The following GALNT18 variants were observed in gnomAD, a reference collection of about 807,000 sequenced individuals.
The protein encoded by GALNT18 is polypeptide N-acetylgalactosaminyltransferase 18, also known as GalNAc-transferase 18.
A neutral mutation model predicts 69.5 loss-of-function variants in GALNT18; 44 were observed. The ratio of observed to expected loss-of-function variants is 0.63; its 90% CI spans 0.50 to 0.81. GALNT18 has a LOEUF of 0.81. Among genes scored for constraint, GALNT18 ranks in the 40% least tolerant of loss-of-function variants. GALNT18 has a pLI of 0.00. For missense variants in GALNT18, 715 were observed against 810.0 expected (o/e 0.88, Z 1.42); for synonymous variants, 364 against 318.2 (o/e 1.14, Z -1.53).
intron 1 of GALNT18, among the ~76,000 whole-genome samples, chr11:11,518,268 G>A (rs1483843344): frequency 1.3e-5 from 2 of 152,242 alleles, no homozygotes; most frequent in South Asian, 2.1e-4. Context: ...GGCTGAAAAA[G>A]CCAGTGATGG....
At chr11:11,512,531 A>G (rs1345416676) in intron 1 of GALNT18, among the ~76,000 whole-genome samples, 1 of 152,226 alleles carries the variant, frequency 6.6e-6, no homozygotes, top group African/African-American at 2.4e-5. Context: ...ATTCTCACAT[A>G]TATGGGGACA....
At position 11,562,860 on chromosome 11, in the gene GALNT18, T is replaced by C. The variant is rs1250474238; in HGVS notation, c.235+58499A>G. Among the ~76,000 whole-genome samples the C allele has an allele frequency of 6.6e-6, 1 of 151,984 alleles. No individual in the cohort carries two copies. Among genetic ancestry groups the C allele is most frequent in the Non-Finnish European group, 1.5e-5 (1 of 68,004 alleles). On this transcript the variant is annotated intron_variant, in intron 1 of 10. Coordinates refer to ENST00000227756, the MANE Select transcript of GALNT18 (RefSeq NM_198516.3). This position sits in a 1 kb window ranked among gnomAD's most constrained non-coding sequence, Gnocchi z 4.1. ...GTGGCAAAAAAGACTTGAACTGGGG[T>C]CTGCCTAGCTCGAGGCCTGGGCTTT...
In GALNT18 at chr11:11,356,030, A is replaced by G. The variant is rs571274376; in HGVS notation, c.1093-15026T>C. ...ATTTCTGGATACCAAACTTTATAGA[A>G]AAACTTGTGTGTAAGGGTAATTTCT... On this transcript the variant is annotated intron_variant, in intron 6 of 10. Transcript: ENST00000227756. This position sits in a 1 kb window ranked among gnomAD's most constrained non-coding sequence, Gnocchi z 4.4. Among the ~76,000 whole-genome samples, 4 of 152,322 alleles carry G rather than the reference A, an allele frequency of 2.6e-5. No homozygotes were observed. Among genetic ancestry groups the G allele is most frequent in the East Asian group, 3.9e-4 (2 of 5,190 alleles).
intron 1 of GALNT18, among the ~76,000 whole-genome samples, chr11:11,518,122 G>A (rs1857321395): frequency 6.6e-6 from 1 of 152,172 alleles, no homozygotes; most frequent in South Asian, 2.1e-4. Flanking sequence ...CCAGGCTGCA[G>A]AGAACTTCAC....
At chr11:11,352,536 C>G in intron 6 of GALNT18, 1 of 1,614,068 alleles carries the variant, frequency 6.2e-7, no homozygotes, top group Non-Finnish European at 8.5e-7. Context: ...TTTGAAGTAT[C>G]GGGAAGCAAC....
Position 11,469,649 on chromosome 11 carries a change from G to T in GALNT18, c.236-20713C>A, listed in dbSNP as rs1222802422. ...GAAAGCAAGGATCATCCATGCCCTT[G>T]TCAGCTGAGGGTCTCAGGGCTGGCT... On this transcript the variant is annotated intron_variant, in intron 1 of 10. Transcript: ENST00000227756. This position sits in a 1 kb window ranked among gnomAD's most constrained non-coding sequence, Gnocchi z 4.2. 6.6e-6 allele frequency among the ~76,000 whole-genome samples: 1 copy of T among 152,198 alleles called. No individual in the cohort carries two copies. The highest frequency in any genetic ancestry group is 2.4e-5 in the African/African-American group (1 of 41,444).
rs78128628 is a variant in GALNT18, at chr11:11,616,986, G to A, written c.235+4373C>T. ...CATTGCAAAAGATCAGACAAAAATCGTAACAATTTAGGCTACTACACTGAG... is the reference window on the plus strand; with the variant it reads ...CATTGCAAAAGATCAGACAAAAATCATAACAATTTAGGCTACTACACTGAG... On this transcript the variant is annotated intron_variant, in intron 1 of 10. Coordinates refer to ENST00000227756, the MANE Select transcript of GALNT18 (RefSeq NM_198516.3). The surrounding 1 kb of genome is among the most constrained non-coding windows in gnomAD (Gnocchi z 4.4). Among the ~76,000 whole-genome samples the A allele has an allele frequency of 0.016, 2,487 of 152,272 alleles. 70 individuals are homozygous for A. The highest frequency in any genetic ancestry group is 0.057 in the African/African-American group (2,380 of 41,544).
rs1345369885 is a variant in GALNT18, at chr11:11,540,159, G to C, written c.235+81200C>G. On this transcript the variant is annotated intron_variant, in intron 1 of 10. Coordinates refer to ENST00000227756, the MANE Select transcript of GALNT18 (RefSeq NM_198516.3). The surrounding 1 kb of genome is among the most constrained non-coding windows in gnomAD (Gnocchi z 4.6). The stretch of plus-strand genomic sequence containing the variant: ...CTGGATTATTCTAAACATATTTTGT[G>C]GTTCTAAAACCTCTTCTCACCTCCA... 6.6e-6 allele frequency among the ~76,000 whole-genome samples: 1 copy of C among 152,134 alleles called. No individual in the cohort carries two copies. The highest frequency in any genetic ancestry group is 1.5e-5 in the Non-Finnish European group (1 of 68,036).
At position 11,395,992 on chromosome 11, in the gene GALNT18, G is replaced by T. The variant is rs372386318; in HGVS notation, c.596-16728C>A. On this transcript the variant is annotated intron_variant, in intron 3 of 10. Transcript: ENST00000227756. ...CTAAGTGGTGGAGATGGGGAGGGGA[G>T]AGGGAGGGGGGACACAGCCAGGTGG... is the stretch of plus-strand genomic sequence containing the variant. 2.6e-5 allele frequency among the ~76,000 whole-genome samples: 4 copies of T among 152,178 alleles called. No individual in the cohort carries two copies. The East Asian group carries it at 7.7e-4, about 29-fold the overall frequency.
At chr11:11,477,230 G>A (rs951229680) in intron 1 of GALNT18, among the ~76,000 whole-genome samples, 1 of 152,168 alleles carries the variant, frequency 6.6e-6, no homozygotes, top group Non-Finnish European at 1.5e-5. Flanking sequence ...GTTTTAGTAG[G>A]CATCCTGCCC....
intron 5 of GALNT18, among the ~76,000 whole-genome samples, chr11:11,374,921 T>C (rs1311834406): frequency 6.6e-6 from 1 of 152,206 alleles, no homozygotes; most frequent in Non-Finnish European, 1.5e-5. Context: ...TGAACACACA[T>C]GGTCTTAGAA....
At chr11:11,516,202 A>G (rs1184007470) in intron 1 of GALNT18, among the ~76,000 whole-genome samples, 1 of 152,156 alleles carries the variant, frequency 6.6e-6, no homozygotes, top group Non-Finnish European at 1.5e-5. Flanking sequence ...GTCAACCTAT[A>G]CAATGTAAAA....
chr11:11,405,274 A>G (rs1317894873), intron 3 of GALNT18, among the ~76,000 whole-genome samples: 1 of 152,220 alleles, frequency 6.6e-6, no homozygotes, highest in Non-Finnish European at 1.5e-5. Context: ...GAGACTCATG[A>G]GAAAACCACG....
At position 11,436,431 on chromosome 11, in the gene GALNT18, C is replaced by T. The variant is rs1855404356; in HGVS notation, c.429-3644G>A. On this transcript the variant is annotated intron_variant, in intron 2 of 10. Coordinates refer to ENST00000227756, the MANE Select transcript of GALNT18 (RefSeq NM_198516.3). This position sits in a 1 kb window ranked among gnomAD's most constrained non-coding sequence, Gnocchi z 4.5. ...CATCCCAGTTTGCCCAGGACCTTCC[C>T]AGTTTCAGCACTGAAAGTCCTAGGC... 6.6e-6 allele frequency among the ~76,000 whole-genome samples: 1 copy of T among 152,144 alleles called. No homozygotes were observed. Among genetic ancestry groups the T allele is most frequent in the Non-Finnish European group, 1.5e-5 (1 of 68,038 alleles).
chr11:11,404,662 AT>A lies in GALNT18; in HGVS notation c.596-25399del, dbSNP rs1234915514. ...CTTTACTGCCCGCAGCCATATTCTC[AT>A]TCAAATGGGACTCTCTCTGTCTCAA... On this transcript the variant is annotated intron_variant, in intron 3 of 10. Coordinates refer to ENST00000227756, the MANE Select transcript of GALNT18 (RefSeq NM_198516.3). This position sits in a 1 kb window ranked among gnomAD's most constrained non-coding sequence, Gnocchi z 4.5. Among the ~76,000 whole-genome samples the A allele has an allele frequency of 6.6e-6, 1 of 152,118 alleles. No homozygotes were observed.
Position 11,432,590 on chromosome 11 carries a change from G to A in GALNT18, c.595+31C>T, listed in dbSNP as rs1056374937. 7 of 1,580,780 alleles carry A rather than the reference G, an allele frequency of 4.4e-6. No homozygotes were observed. The highest frequency in any genetic ancestry group is 6.0e-6 in the Non-Finnish European group (7 of 1,160,722). On this transcript the variant is annotated intron_variant, in intron 3 of 10. Transcript: ENST00000227756. This position sits in a 1 kb window ranked among gnomAD's most constrained non-coding sequence, Gnocchi z 5.8. ...AGCTTAGATGTCAGCCAGGAAGTAG[G>A]GCCTGGGCCCTGGGAAGCTCCGACA...
chr11:11,434,918 C>T (rs1321798472), intron 2 of GALNT18, among the ~76,000 whole-genome samples: 1 of 152,174 alleles, frequency 6.6e-6, no homozygotes, highest in Non-Finnish European at 1.5e-5. Context: ...TTATGGAGAT[C>T]AAGACCAGCA....
chr11:11,402,079 A>G lies in GALNT18; in HGVS notation c.596-22815T>C, dbSNP rs763293856. On this transcript the variant is annotated intron_variant, in intron 3 of 10. Coordinates refer to ENST00000227756, the MANE Select transcript of GALNT18 (RefSeq NM_198516.3). This position sits in a 1 kb window ranked among gnomAD's most constrained non-coding sequence, Gnocchi z 4.0. ...GCAAGAAGAGATGAAGTAGGCTTAC[A>G]TATTATTAGGTGAATTCAAGGTAAT... is the stretch of plus-strand genomic sequence containing the variant. Among the ~76,000 whole-genome samples, 2 of 152,270 alleles carry G rather than the reference A, an allele frequency of 1.3e-5. No individual in the cohort carries two copies. Among genetic ancestry groups the G allele is most frequent in the Non-Finnish European group, 2.9e-5 (2 of 68,046 alleles).
rs578022499 is a variant in GALNT18 at position 11,367,163 on chromosome 11, C to G, written c.1092+5352G>C. Among the ~76,000 whole-genome samples the G allele has an allele frequency of 1.3e-4, 20 of 152,248 alleles. No individual in the cohort carries two copies. The South Asian group carries it at 4.1e-3, about 32-fold the overall frequency. On this transcript the variant is annotated intron_variant, in intron 6 of 10. Coordinates refer to ENST00000227756, the MANE Select transcript of GALNT18 (RefSeq NM_198516.3). ...CACAGCGAGGGATTCTACTCCCAAT[C>G]AGATCTTGTGATGAGGCTTAGAAGA...
Sources: gnomAD v4.1 joint callset for allele counts (sites outside exome capture counted in the v4.1 genomes callset) on GRCh38, gnomAD v4.1.1 for gene constraint, Gnocchi (gnomAD v3.1) non-coding constraint, MANE v1.5 for transcripts, NCBI Gene and HGNC (gene_info 2026-07-23, HGNC 2026-07-21) for gene names.